Variants in AKAP13 observed in about 807,000 individuals in gnomAD.
AKAP13 encodes the protein A-kinase anchoring protein 13.
A neutral mutation model predicts 264.5 loss-of-function variants in AKAP13; 80 were observed. The observed-to-expected ratio is 0.30, with a 90% CI of 0.25 to 0.36. The LOEUF (loss-of-function observed/expected upper bound fraction) is 0.36. AKAP13 is among the 10% of genes least tolerant of loss of function. AKAP13 has a pLI of 1.00. For missense variants in AKAP13, 3,712 were observed against 3,435.2 expected, an observed-to-expected ratio of 1.08 and a Z score of -2.01; for synonymous variants, 1,380 against 1,250.2, an observed-to-expected ratio of 1.10 and a Z score of -2.19.
intron 1 of AKAP13, among the ~76,000 whole-genome samples, chr15:85,474,363 T>TCA (rs2075074457): frequency 6.6e-6 from 1 of 152,250 alleles, no homozygotes; most frequent in Non-Finnish European, 1.5e-5. Context: ...AAGTTCTGTA[T>TCA]TGACCTGGCA....
At chr15:85,497,863 A>G (rs1291461305) in intron 2 of AKAP13, among the ~76,000 whole-genome samples, 1 of 152,190 alleles carries the variant, frequency 6.6e-6, no homozygotes, top group Non-Finnish European at 1.5e-5. Context: ...AAATAGTAGC[A>G]TGATGAAAGT....
In AKAP13 at chr15:85,592,186, G is replaced by A. The variant is rs1421754449; in HGVS notation, c.4161+6363G>A. Among the ~76,000 whole-genome samples the A allele has an allele frequency of 2.0e-5, 3 of 150,004 alleles. No individual in the cohort carries two copies. The East Asian group carries it at 5.9e-4, about 30-fold the overall frequency. On this transcript the variant is annotated intron_variant, in intron 8 of 36. Transcript: ENST00000394518. ...AGGGCATTGTTGGTCTTAGAATATT[G>A]CCTGTTAATATCTTCCTGAACTATG...
At position 85,705,185 on chromosome 15, in the gene AKAP13, A is replaced by G. The variant is rs544336954; in HGVS notation, c.5465-2834A>G. Among the ~76,000 whole-genome samples, 71 of 152,338 alleles carry G rather than the reference A, an allele frequency of 4.7e-4. 1 individual carries two copies. In the Middle Eastern group the frequency reaches 0.014, roughly 29 times the overall value. On this transcript the variant is annotated intron_variant, in intron 17 of 36. Transcript: ENST00000394518. Reference sequence around the variant, plus strand: ...CTTCTATGTTCATCTCAGACACTCAAACACTGGCCTGAGAGTTTGAATATT... The same window carrying G: ...CTTCTATGTTCATCTCAGACACTCAGACACTGGCCTGAGAGTTTGAATATT...
chr15:85,494,091 A>T (rs1409879369), intron 2 of AKAP13, among the ~76,000 whole-genome samples: 1 of 152,190 alleles, frequency 6.6e-6, no homozygotes, highest in Non-Finnish European at 1.5e-5. Flanking sequence ...GGGGAAAGTG[A>T]ACAACTACTC....
At chr15:85,671,956 A>G (rs2083954698) in intron 14 of AKAP13, among the ~76,000 whole-genome samples, 1 of 152,038 alleles carries the variant, frequency 6.6e-6, no homozygotes, top group Non-Finnish European at 1.5e-5. Context: ...ACACTTCATT[A>G]TTTTTCCTTC....
At chr15:85,569,131 G>A (rs2078714485) in intron 5 of AKAP13, among the ~76,000 whole-genome samples, 1 of 152,188 alleles carries the variant, frequency 6.6e-6, no homozygotes, top group Non-Finnish European at 1.5e-5. Flanking sequence ...TTTTGATTAT[G>A]GAGTAACATA....
chr15:85,735,742 A>G, intron 32 of AKAP13, 112 bp downstream of exon 32: 1 of 1,070,380 alleles, frequency 9.3e-7, no homozygotes, highest in Non-Finnish European at 1.4e-6. Context: ...TGCTGCTTTT[A>G]ATAAAATTAT....
chr15:85,584,492 A>G (rs2079257867), intron 7 of AKAP13, among the ~76,000 whole-genome samples: 1 of 152,214 alleles, frequency 6.6e-6, no homozygotes, highest in African/African-American at 2.4e-5. Flanking sequence ...AGATGTTTTG[A>G]TCAAGGGATA....
At chr15:85,446,337 C>T (rs973384390) in intron 1 of AKAP13, among the ~76,000 whole-genome samples, 8 of 151,922 alleles carry the variant, frequency 5.3e-5, no homozygotes, top group Admixed American at 5.2e-4. Flanking sequence ...TGGAGGTAAA[C>T]GAAATAGGAT....
At position 85,579,803 on chromosome 15, in the gene AKAP13, G is replaced by A; in HGVS notation, c.1735G>A (p.Asp579Asn). The change falls in exon 7 of 37, where the codon GAT becomes AAT. Residue 579 changes from aspartate (D) to asparagine (N), a missense_variant. By Grantham distance (23) the Asp-to-Asn change is conservative (BLOSUM62 1). Transcript: ENST00000394518. Reference sequence around the variant, plus strand: ...TTCACGAAGTCGTGAGGAGAGTGCTGATGCTCCAGTAGATCAGAATTCTGT... The same window carrying A: ...TTCACGAAGTCGTGAGGAGAGTGCTAATGCTCCAGTAGATCAGAATTCTGT... ...ETSRSREESADAPVDQNSVVI... is the reference protein window; with the variant it reads ...ETSRSREESANAPVDQNSVVI... 3 of 1,614,216 alleles carry A rather than the reference G, an allele frequency of 1.9e-6. No individual in the cohort carries two copies. The highest frequency in any genetic ancestry group is 2.5e-6 in the Non-Finnish European group (3 of 1,180,040).
At chr15:85,584,070 C>G (rs2079234934) in intron 7 of AKAP13, among the ~76,000 whole-genome samples, 1 of 152,180 alleles carries the variant, frequency 6.6e-6, no homozygotes, top group African/African-American at 2.4e-5. Context: ...GGTCACATTA[C>G]TTTAGAGAAA....
chr15:85,487,790 G>A (rs1342160498), intron 2 of AKAP13, among the ~76,000 whole-genome samples: 1 of 151,494 alleles, frequency 6.6e-6, no homozygotes, highest in African/African-American at 2.4e-5. Flanking sequence ...GGAGTGCAGT[G>A]ACATGATCAT....
chr15:85,668,346 G>A (rs2083720018), intron 13 of AKAP13, among the ~76,000 whole-genome samples: 1 of 152,186 alleles, frequency 6.6e-6, no homozygotes, highest in Admixed American at 6.5e-5. Context: ...AAGGATTAAT[G>A]ATAAAGTCAG....
At chr15:85,653,278 T>A (rs1596914562) in intron 10 of AKAP13, among the ~76,000 whole-genome samples, 2 of 152,202 alleles carry the variant, frequency 1.3e-5, no homozygotes, top group African/African-American at 2.4e-5. Context: ...CAGGGTTTTT[T>A]AAAAAGATGA....
chr15:85,399,513 A>ATAAAAAT (rs2071294413), intron 1 of AKAP13, among the ~76,000 whole-genome samples: 9 of 69,986 alleles, frequency 1.3e-4, no homozygotes, highest in African/African-American at 2.8e-4. Context: ...AAAAAAAAAA[A>ATAAAAAT]AAAAAAAAAT....
chr15:85,462,566 A>G (rs1387113435), intron 1 of AKAP13, among the ~76,000 whole-genome samples: 1 of 152,198 alleles, frequency 6.6e-6, no homozygotes, highest in Non-Finnish European at 1.5e-5. Context: ...GAGACCAACT[A>G]ATTAATGGAG....
Position 85,580,471 on chromosome 15 carries a change from A to G in AKAP13, c.2403A>G (p.Ala801=), listed in dbSNP as rs1429669616. 13 of 1,614,226 alleles carry G rather than the reference A, an allele frequency of 8.1e-6. No individual in the cohort carries two copies. The highest frequency in any genetic ancestry group is 1.1e-5 in the Non-Finnish European group (13 of 1,180,040). ...GTGAATCAGTAACCAAGGATGACGCACTTTCTTTTGTCCCCTCCCAGAAAG... is the reference window on the plus strand; with the variant it reads ...GTGAATCAGTAACCAAGGATGACGCGCTTTCTTTTGTCCCCTCCCAGAAAG... The part of the protein sequence containing the change: ...PGSESVTKDD[A]LSFVPSQKEK... The change falls in exon 7 of 37, where the codon GCA becomes GCG. Residue 801 remains alanine, a synonymous_variant. Coordinates refer to ENST00000394518, the MANE Select transcript of AKAP13 (RefSeq NM_007200.5).
chr15:85,624,979 T>C (rs2081347661), intron 8 of AKAP13, among the ~76,000 whole-genome samples: 1 of 152,164 alleles, frequency 6.6e-6, no homozygotes, highest in Non-Finnish European at 1.5e-5. Context: ...ACCAGAAGTT[T>C]GGATGTTGAA....
intron 5 of AKAP13, among the ~76,000 whole-genome samples, chr15:85,548,092 A>G (rs2077819485): frequency 1.3e-5 from 2 of 152,126 alleles, no homozygotes; most frequent in African/African-American, 2.4e-5. Flanking sequence ...TCTCTTACTC[A>G]CACATCTCAA....
Sources: allele counts gnomAD v4.1 joint callset (sites outside exome capture counted in the v4.1 genomes callset), GRCh38; gene constraint gnomAD v4.1.1; transcripts MANE v1.5; gene names NCBI Gene and HGNC (gene_info 2026-07-23, HGNC 2026-07-21).